MVP: variants seen among roughly 807,000 people sequenced by gnomAD.
MVP encodes the protein lung resistance-related protein.
In MVP, 62 loss-of-function variants were observed where a neutral mutation model predicts 83.5. The observed-to-expected ratio is 0.74, with a 90% CI of 0.61 to 0.92. MVP has a LOEUF of 0.92. Among genes scored for constraint, MVP ranks in the 40% least tolerant of loss-of-function variants. The pLI, the probability that MVP is intolerant of heterozygous loss-of-function variation, is 0.00. For missense variants in MVP, 1,000 were observed against 1,203.4 expected (o/e 0.83, Z 2.50); for synonymous variants, 505 against 504.1 (o/e 1.00, Z -0.02).
At chr16:29,823,122 C>CTTT (rs66512916) in intron 1 of MVP, among the ~76,000 whole-genome samples, 83 of 98,494 alleles carry the variant, frequency 8.4e-4, no homozygotes, top group Non-Finnish European at 1.0e-3. Flanking sequence ...CTTTTCTTTT[C>CTTT]TTTTTTTTTT....
intron 1 of MVP, among the ~76,000 whole-genome samples, chr16:29,823,421 G>T (rs755128308): frequency 2.0e-5 from 3 of 152,026 alleles, no homozygotes; most frequent in Non-Finnish European, 4.4e-5. Context: ...GAGCCACCAA[G>T]CCTAGTCAAC....
In MVP at chr16:29,846,152, C is replaced by T. The variant is rs1238519061; in HGVS notation, c.2139-6C>T. On this transcript the variant is annotated splice_region_variant and splice_polypyrimidine_tract_variant and intron_variant, in intron 12 of 14. Transcript: ENST00000357402. ...CGGGTCTTACCTGACTCTGCCTTCT[C>T]CCCAGCATGGCCGTGGAGAGCACCG... 1 of 1,609,284 alleles carries T rather than the reference C, an allele frequency of 6.2e-7. No homozygotes were observed. The highest frequency in any genetic ancestry group is 8.5e-7 in the Non-Finnish European group (1 of 1,177,684).
intron 2 of MVP, 84 bp from the exon 3 acceptor site, chr16:29,830,794 G>A (rs1432135030): frequency 3.8e-6 from 6 of 1,573,104 alleles, no homozygotes; most frequent in Non-Finnish European, 5.2e-6. Flanking sequence ...TTGGGCGATA[G>A]AGAGGTTTCT....
Position 29,840,188 on chromosome 16 carries a change from CT to C in MVP, c.926del (p.Phe309SerfsTer26). The C allele has an allele frequency of 6.2e-7, 1 of 1,609,674 alleles. No individual in the cohort carries two copies. Among genetic ancestry groups the C allele is most frequent in the Non-Finnish European group, 8.5e-7 (1 of 1,177,364 alleles). On this transcript the variant is annotated frameshift_variant, in exon 8 of 15. Coordinates refer to ENST00000357402, the MANE Select transcript of MVP (RefSeq NM_005115.5). LOFTEE classifies it high-confidence loss of function. ...ACGTCTCCCCACTAGGGAGAGAAGT[CT>C]TTTTTCCTCCAGCCAGGAGAGCAGC... ...GQKRVVKGEK[S>X]FFLQPGEQLE...
In MVP at chr16:29,844,785, G is replaced by T; in HGVS notation, c.1927G>T (p.Val643Leu). 6.2e-7 allele frequency: 1 copy of T among 1,610,498 alleles called. No homozygotes were observed. ...LVVSSVDVQSVEPVDQRTRDA... is the reference protein window; with the variant it reads ...LVVSSVDVQSLEPVDQRTRDA... ...GGTCAGCAGTGTGGACGTGCAGTCA[G>T]TGGAGCCTGTGGATCAGAGGACCCG... The change falls in exon 11 of 15, where the codon GTG becomes TTG. Residue 643 changes from valine (V) to leucine (L), a missense_variant. Coordinates refer to ENST00000357402, the MANE Select transcript of MVP (RefSeq NM_005115.5).
chr16:29,823,786 G>C (rs2067382969), intron 1 of MVP, among the ~76,000 whole-genome samples: 1 of 150,784 alleles, frequency 6.6e-6, no homozygotes, highest in African/African-American at 2.4e-5. Flanking sequence ...GAGCTGCAGT[G>C]ATCCGAGATC....
intron 6 of MVP, 65 bp from the exon 7 acceptor site, chr16:29,836,657 T>C (rs1596919800): frequency 2.2e-6 from 3 of 1,336,786 alleles, no homozygotes; most frequent in East Asian, 2.4e-5. Flanking sequence ...TGGTGGCCAA[T>C]GGGGCTCGCA....
chr16:29,844,722 C>T lies in MVP; in HGVS notation c.1864C>T (p.Pro622Ser). ...KGPDGMALPR[P>S]RDQAVFPQNG... The stretch of plus-strand genomic sequence containing the variant: ...CCCCGATGGCATGGCCCTGCCCAGG[C>T]CCCGGGACCAGGCTGTCTTCCCCCA... Residue 622 changes from proline (P) to serine (S), a missense_variant, in exon 11 of 15, where the codon CCC becomes TCC. Pro to Ser is a moderately conservative substitution (Grantham distance 74). Coordinates refer to ENST00000357402, the MANE Select transcript of MVP (RefSeq NM_005115.5). 2 of 1,613,530 alleles carry T rather than the reference C, an allele frequency of 1.2e-6. No individual in the cohort carries two copies. The highest frequency in any genetic ancestry group is 8.5e-7 in the Non-Finnish European group (1 of 1,179,992).
Position 29,847,403 on chromosome 16 carries a change from T to C in MVP, c.2454+18T>C, listed in dbSNP as rs942889980. On this transcript the variant is annotated intron_variant, in intron 14 of 14. Coordinates refer to ENST00000357402, the MANE Select transcript of MVP (RefSeq NM_005115.5). ...AGATGCAGGTGAGAGTTGGGGAAGGTGTGTTGGTTTCAGGACCAACCTTGA... is the reference window on the plus strand; with the variant it reads ...AGATGCAGGTGAGAGTTGGGGAAGGCGTGTTGGTTTCAGGACCAACCTTGA... 2.6e-6 allele frequency: 4 copies of C among 1,523,772 alleles called. No homozygotes were observed. The highest frequency in any genetic ancestry group is 1.4e-5 in the African/African-American group (1 of 71,368). The allele number at this position is 1,523,772 out of a possible 1,614,324, so 94.4% of individuals were successfully genotyped here.
chr16:29,824,970 G>A (rs894618042), intron 1 of MVP, among the ~76,000 whole-genome samples: 2 of 150,670 alleles, frequency 1.3e-5, no homozygotes, highest in African/African-American at 4.9e-5. Flanking sequence ...TTGAACTCCT[G>A]GCCTCAATCC....
Position 29,830,388 on chromosome 16 carries a change from G to A in MVP, c.-35-127G>A, listed in dbSNP as rs2067431941. ...AGCAGTGGGCATGCAGATGCGGACA[G>A]GGAAGGGTGCAGTGGCCTGGCTGGA... On this transcript the variant is annotated intron_variant, in intron 1 of 14. Transcript: ENST00000357402. 4 of 732,050 alleles carry A rather than the reference G, an allele frequency of 5.5e-6. No individual in the cohort carries two copies. The East Asian group carries it at 1.1e-4, about 20-fold the overall frequency. The allele number at this position is 732,050 out of a possible 1,614,324, so 45.3% of individuals were successfully genotyped here. A position where few individuals can be genotyped will look rare whatever the true frequency, so the allele number is the denominator to read the frequency against.
At chr16:29,837,141 C>T (rs1263046470) in intron 7 of MVP, among the ~76,000 whole-genome samples, 183 bp downstream of exon 7, 2 of 152,210 alleles carry the variant, frequency 1.3e-5, no homozygotes, top group Non-Finnish European at 2.9e-5. Flanking sequence ...TCTGACTTAC[C>T]CCTCAGACCT....
chr16:29,841,668 G>C lies in MVP; in HGVS notation c.1264G>C (p.Gly422Arg). Residue 422 changes from glycine (G) to arginine (R), a missense_variant, in exon 9 of 15, where the codon GGG becomes CGG. Gly to Arg is a moderately radical substitution (Grantham distance 125). Transcript: ENST00000357402. The surrounding 1 kb of genome is among the most constrained non-coding windows in gnomAD (Gnocchi z 4.7). ...CCTGTGGGAGAAAGAGCTGCCTCCC[G>C]GGGTGGAGGAGCTGCTGAACAAGGG... ...EVLWEKELPP[G>R]VEELLNKGQD... is the part of the protein sequence containing the mutation. 6.2e-7 allele frequency: 1 copy of C among 1,611,390 alleles called. No homozygotes were observed.
rs746504343 is a variant in MVP, at chr16:29,840,397, C to T, written c.1129C>T (p.Arg377Cys). 28 of 1,592,710 alleles carry T rather than the reference C, an allele frequency of 1.8e-5. No homozygotes were observed. In the East Asian group the frequency reaches 4.8e-4, roughly 27 times the overall value. Residue 377 changes from arginine (R) to cysteine (C), a missense_variant, in exon 8 of 15, where the codon CGC (arginine) becomes TGC (cysteine). Transcript: ENST00000357402. The part of the protein sequence containing the change: ...PSAKVEVVEE[R>C]QAIPLDENEG... ...TGCCAAAGTGGAGGTGGTGGAGGAG[C>T]GCCAGGCCATCCCTCTAGACGAGAA...
chr16:29,827,189 C>T (rs769207518), intron 1 of MVP, among the ~76,000 whole-genome samples: 3 of 151,976 alleles, frequency 2.0e-5, no homozygotes, highest in Non-Finnish European at 4.4e-5. Context: ...CTCCTACAAG[C>T]GAAGGGAAAG....
chr16:29,836,865 C>G lies in MVP; in HGVS notation c.816C>G (p.Pro272=). 1 of 1,614,016 alleles carries G rather than the reference C, an allele frequency of 6.2e-7. No homozygotes were observed. The highest frequency in any genetic ancestry group is 1.3e-5 in the African/African-American group (1 of 75,018). The change falls in exon 7 of 15, where the codon CCC becomes CCG. Residue 272 remains proline, a synonymous_variant. Coordinates refer to ENST00000357402, the MANE Select transcript of MVP (RefSeq NM_005115.5). ...DVHEEVLGVV[P]ITTLGPHNYC... is the part of the protein sequence containing the mutation. ...ACGAGGAGGTGCTGGGGGTTGTGCCCATCACCACCCTGGGCCCCCACAACT... is the reference window on the plus strand; with the variant it reads ...ACGAGGAGGTGCTGGGGGTTGTGCCGATCACCACCCTGGGCCCCCACAACT...
intron 1 of MVP, among the ~76,000 whole-genome samples, chr16:29,823,791 G>T (rs1271949896): frequency 4.0e-5 from 6 of 150,478 alleles, no homozygotes; most frequent in Admixed American, 1.3e-4. Flanking sequence ...GCAGTGATCC[G>T]AGATCGTGCC....
chr16:29,841,631 C>A lies in MVP; in HGVS notation c.1227C>A (p.Thr409=). The A allele has an allele frequency of 6.2e-7, 1 of 1,611,284 alleles. No individual in the cohort carries two copies. The highest frequency in any genetic ancestry group is 1.1e-5 in the South Asian group (1 of 90,918). The change falls in exon 9 of 15, where the codon ACC becomes ACA. Residue 409 remains threonine, a synonymous_variant. Transcript: ENST00000357402. This position sits in a 1 kb window ranked among gnomAD's most constrained non-coding sequence, Gnocchi z 4.7. ...RAVIGSTYML[T]QDEVLWEKEL... The stretch of plus-strand genomic sequence containing the variant: ...TGATTGGAAGCACCTACATGCTGAC[C>A]CAGGACGAAGTCCTGTGGGAGAAAG...
intron 11 of MVP, among the ~76,000 whole-genome samples, chr16:29,845,261 T>A (rs968731990): frequency 2.7e-5 from 4 of 150,258 alleles, no homozygotes; most frequent in African/African-American, 9.8e-5. Context: ...TTGCATGTGA[T>A]AAAACCTAAA....
Sources: gnomAD v4.1 joint callset for allele counts (sites outside exome capture counted in the v4.1 genomes callset) on GRCh38, gnomAD v4.1.1 for gene constraint, Gnocchi (gnomAD v3.1) non-coding constraint, MANE v1.5 for transcripts, NCBI Gene and HGNC (gene_info 2026-07-23, HGNC 2026-07-21) for gene names.